RPAP2: variants seen among roughly 807,000 people sequenced by gnomAD.
The protein encoded by RPAP2 is putative RNA polymerase II subunit B1 CTD phosphatase RPAP2.
Under a neutral mutation model 73.1 loss-of-function variants are expected in RPAP2, and 52 were observed. The observed-to-expected ratio is 0.71, with a 90% CI of 0.57 to 0.90. The LOEUF is 0.90. RPAP2 is among the 40% of genes least tolerant of loss of function. The pLI is 0.00. For missense variants in RPAP2, 598 were observed against 701.8 expected (o/e 0.85, Z 1.67); for synonymous variants, 225 against 242.1 (o/e 0.93, Z 0.65).
intron 7 of RPAP2, among the ~76,000 whole-genome samples, chr1:92,322,957 A>G (rs1360418667): frequency 6.8e-6 from 1 of 147,456 alleles, no homozygotes; most frequent in African/African-American, 2.5e-5. Flanking sequence ...TATATAATAT[A>G]CATTATATAT....
intron 10 of RPAP2, 150 bp from the exon 11 acceptor site, chr1:92,345,696 A>C (rs1653852232): frequency 3.5e-6 from 2 of 568,632 alleles, no homozygotes; most frequent in Non-Finnish European, 6.2e-6. Flanking sequence ...CCACATTATT[A>C]TACTATTGAC....
At chr1:92,339,731 T>C (rs1266942771) in intron 10 of RPAP2, among the ~76,000 whole-genome samples, 1 of 151,992 alleles carries the variant, frequency 6.6e-6, no homozygotes, top group African/African-American at 2.4e-5. Flanking sequence ...TAATGAAAAA[T>C]ACAGCCGGGC....
chr1:92,323,023 T>C (rs1460427956), intron 7 of RPAP2, among the ~76,000 whole-genome samples: 3 of 146,332 alleles, frequency 2.1e-5, no homozygotes, highest in Non-Finnish European at 4.5e-5. Context: ...ATACTTTATA[T>C]TTTTATATAT....
intron 11 of RPAP2, among the ~76,000 whole-genome samples, chr1:92,358,754 TA>T (rs202234752): frequency 7.4e-5 from 11 of 148,324 alleles, no homozygotes; most frequent in South Asian, 4.2e-4. Flanking sequence ...TGCTCAGCTT[TA>T]AAAAAAAAAA....
intron 10 of RPAP2, among the ~76,000 whole-genome samples, chr1:92,337,504 G>C (rs1653345747): frequency 6.6e-6 from 1 of 152,034 alleles, no homozygotes; most frequent in Non-Finnish European, 1.5e-5. Context: ...TGTCTTCAAA[G>C]AATTGTCTTC....
chr1:92,345,292 G>A (rs980754548), intron 10 of RPAP2, among the ~76,000 whole-genome samples: 12 of 149,446 alleles, frequency 8.0e-5, no homozygotes, highest in African/African-American at 3.0e-4. Flanking sequence ...CTTGAGCCCA[G>A]GAATTCAAGG....
chr1:92,357,095 A>ACG, intron 11 of RPAP2, among the ~76,000 whole-genome samples: 1 of 28,314 alleles, frequency 3.5e-5, no homozygotes, highest in South Asian at 2.7e-3. Flanking sequence ...AGGATTACAT[A>ACG]CACACACACA....
At chr1:92,373,485 G>A (rs1655238879) in intron 11 of RPAP2, among the ~76,000 whole-genome samples, 1 of 152,070 alleles carries the variant, frequency 6.6e-6, no homozygotes, top group Non-Finnish European at 1.5e-5. Flanking sequence ...ATCAGCCCGT[G>A]AATATCCTAG....
intron 1 of RPAP2, among the ~76,000 whole-genome samples, chr1:92,299,737 A>G (rs1650666383): frequency 6.6e-6 from 1 of 152,196 alleles, no homozygotes; most frequent in South Asian, 2.1e-4. Flanking sequence ...CTCCCTTCCT[A>G]TTTCATTTTG....
chr1:92,350,380 A>G (rs1040957221), intron 11 of RPAP2, among the ~76,000 whole-genome samples: 5 of 152,160 alleles, frequency 3.3e-5, no homozygotes, highest in African/African-American at 1.2e-4. Flanking sequence ...CTTTTTTTAG[A>G]AGAACTCATT....
chr1:92,332,760 G>A (rs1367298911), intron 8 of RPAP2, among the ~76,000 whole-genome samples: 4 of 152,088 alleles, frequency 2.6e-5, no homozygotes, highest in Non-Finnish European at 5.9e-5. Flanking sequence ...CCTTCTTGAA[G>A]GATACCCTGA....
chr1:92,315,561 G>A (rs927951291), intron 6 of RPAP2, among the ~76,000 whole-genome samples: 29 of 152,312 alleles, frequency 1.9e-4, no homozygotes, highest in African/African-American at 6.7e-4. Flanking sequence ...GTATGCTTGT[G>A]TAAATTTATT....
At chr1:92,315,820 G>A (rs1000581653) in intron 6 of RPAP2, among the ~76,000 whole-genome samples, 1 of 152,158 alleles carries the variant, frequency 6.6e-6, no homozygotes, top group African/African-American at 2.4e-5. Flanking sequence ...ATGTCATGGA[G>A]ACTAACAGTG....
At chr1:92,339,085 CAATTT>C (rs1263171284) in intron 10 of RPAP2, among the ~76,000 whole-genome samples, 1 of 152,114 alleles carries the variant, frequency 6.6e-6, no homozygotes, top group African/African-American at 2.4e-5. Context: ...GGTTAACTAG[CAATTT>C]AATTTACTTT....
chr1:92,346,148 A>G (rs970261510), intron 11 of RPAP2, among the ~76,000 whole-genome samples: 4 of 149,184 alleles, frequency 2.7e-5, no homozygotes, highest in African/African-American at 9.9e-5. Flanking sequence ...TACAAATACT[A>G]TTTGTTTTCA....
chr1:92,384,816 A>G (rs1267773060), intron 12 of RPAP2, among the ~76,000 whole-genome samples: 1 of 152,130 alleles, frequency 6.6e-6, no homozygotes, highest in Non-Finnish European at 1.5e-5. Flanking sequence ...ATTTAAACCA[A>G]TCATACTCCT....
rs1655915682 is a variant in RPAP2 at position 92,387,711 on chromosome 1, C to T, written c.*700C>T. On this transcript the variant is annotated 3_prime_UTR_variant, in exon 13 of 13. Transcript: ENST00000610020. ...TCTTGGACACTGGAGGAAATGACAG[C>T]TACTAAAGCCCAATCATGGAAAAGG... 6.6e-6 allele frequency: 1 copy of T among 152,166 alleles called. No individual in the cohort carries two copies. Among genetic ancestry groups the T allele is most frequent in the Admixed American group, 6.5e-5 (1 of 15,282 alleles). 9.4% of individuals were successfully genotyped at this position (152,166 alleles called of 1,614,324 possible). A position where few individuals can be genotyped will look rare whatever the true frequency, so the allele number is the denominator to read the frequency against.
intron 6 of RPAP2, among the ~76,000 whole-genome samples, chr1:92,309,580 TACATAC>T (rs56342531): frequency 0.61 from 90,682 of 147,638 alleles, 28,243 homozygotes; most frequent in East Asian, 0.94. Flanking sequence ...CATATACATA[TACATAC>T]ACATACACAT....
intron 12 of RPAP2, among the ~76,000 whole-genome samples, chr1:92,386,582 C>T (rs1158641804): frequency 1.3e-5 from 2 of 152,200 alleles, no homozygotes; most frequent in African/African-American, 4.8e-5. Flanking sequence ...TCAGTCTACT[C>T]CACCCAAACT....
Sources: allele counts gnomAD v4.1 joint callset (sites outside exome capture counted in the v4.1 genomes callset), GRCh38; gene constraint gnomAD v4.1.1; transcripts MANE v1.5; gene names NCBI Gene and HGNC (gene_info 2026-07-23, HGNC 2026-07-21).